The following FAM78B variants were observed in gnomAD, a reference collection of about 807,000 sequenced individuals.
FAM78B encodes protein FAM78B.
FAM78B carries 10 observed loss-of-function variants against 20.0 expected under a neutral mutation model. The observed-to-expected ratio is 0.50, with a 90% confidence interval of 0.31 to 0.85. FAM78B has a LOEUF of 0.85. FAM78B is among the 40% of genes least tolerant of loss of function. The pLI, the probability that FAM78B is intolerant of heterozygous loss-of-function variation, is 0.05. For synonymous variants in FAM78B, 135 were observed against 132.8 expected (o/e 1.02, Z -0.12); for missense variants, 283 against 345.0 (o/e 0.82, Z 1.42).
chr1:166,062,914 G>A (rs1423203665), intron 2 of FAM78B, among the ~76,000 whole-genome samples: 1 of 152,236 alleles, frequency 6.6e-6, no homozygotes, highest in African/African-American at 2.4e-5. Flanking sequence ...GAGATAACCA[G>A]CTGTTTCTTT....
chr1:166,139,133 A>G lies in FAM78B; in HGVS notation c.263+26853T>C, dbSNP rs560637873. The stretch of plus-strand genomic sequence containing the variant: ...GCTAGCCCACACTCTCATTTTACAG[A>G]CAGGAAAATGGAGGTCCATAAAGGT... On this transcript the variant is annotated intron_variant, in intron 1 of 1. Transcript: ENST00000354422. Among the ~76,000 whole-genome samples, 29 of 152,326 alleles carry G rather than the reference A, an allele frequency of 1.9e-4. 1 individual carries two copies. Among genetic ancestry groups the G allele is most frequent in the Admixed American group, 5.2e-4 (8 of 15,308 alleles).
intron 1 of FAM78B, among the ~76,000 whole-genome samples, chr1:166,076,578 A>AACTT (rs1652286231): frequency 6.6e-6 from 1 of 152,084 alleles, no homozygotes; most frequent in Non-Finnish European, 1.5e-5. Context: ...AATACACTAT[A>AACTT]ACTTACTTAT....
At chr1:166,100,201 C>A (rs948829292) in intron 1 of FAM78B, among the ~76,000 whole-genome samples, 2 of 152,278 alleles carry the variant, frequency 1.3e-5, no homozygotes, top group Middle Eastern at 3.4e-3. Context: ...TCTAAAAATT[C>A]TTTGAGGAGG....
At chr1:166,118,831 A>AT (rs918560236) in intron 1 of FAM78B, among the ~76,000 whole-genome samples, 2 of 152,158 alleles carry the variant, frequency 1.3e-5, no homozygotes, top group Admixed American at 1.3e-4. Flanking sequence ...ACCATGACAC[A>AT]TGACACCCAG....
At chr1:166,124,152 C>T (rs974788681) in intron 1 of FAM78B, among the ~76,000 whole-genome samples, 1 of 152,230 alleles carries the variant, frequency 6.6e-6, no homozygotes, top group Non-Finnish European at 1.5e-5. Context: ...CTGCTTTATG[C>T]TTCTATGTCT....
At chr1:166,066,396 A>G (rs965744194), downstream of FAM78B, among the ~76,000 whole-genome samples, 1 of 152,194 alleles carries the variant, frequency 6.6e-6, no homozygotes, top group African/African-American at 2.4e-5. Flanking sequence ...GAGAGACTAC[A>G]TGACAGTGTA....
At chr1:166,113,690 T>A (rs1476173644) in intron 1 of FAM78B, among the ~76,000 whole-genome samples, 1 of 152,248 alleles carries the variant, frequency 6.6e-6, no homozygotes, top group Admixed American at 6.5e-5. Context: ...GTGTCCCAGC[T>A]GGCTTTCCCT....
intron 1 of FAM78B, among the ~76,000 whole-genome samples, chr1:166,156,952 G>C (rs1655920153): frequency 6.7e-6 from 1 of 149,800 alleles, no homozygotes. Flanking sequence ...AGCAGCCAGG[G>C]TCCTGGAGGC....
chr1:166,143,079 CTA>C (rs1336829607), intron 1 of FAM78B, among the ~76,000 whole-genome samples: 1 of 152,184 alleles, frequency 6.6e-6, no homozygotes, highest in Non-Finnish European at 1.5e-5. Context: ...GGTAATTTCT[CTA>C]TGTCTCAATT....
intron 1 of FAM78B, among the ~76,000 whole-genome samples, chr1:166,150,222 G>C (rs112032461): frequency 0.016 from 2,415 of 152,156 alleles, 68 homozygotes; most frequent in African/African-American, 0.055. Context: ...GGACTCTCTT[G>C]TCCTTGGCCT....
intron 1 of FAM78B, 109 bp from the exon 2 acceptor site, chr1:166,070,872 A>T: frequency 8.1e-7 from 1 of 1,236,946 alleles, no homozygotes; most frequent in Non-Finnish European, 1.1e-6. Context: ...CAAAATGGGA[A>T]GTTCACAGGG....
At chr1:166,087,981 G>C (rs1652901225) in intron 1 of FAM78B, among the ~76,000 whole-genome samples, 1 of 152,152 alleles carries the variant, frequency 6.6e-6, no homozygotes, top group South Asian at 2.1e-4. Flanking sequence ...GGGTACTTGT[G>C]TCTGCTGCTT....
At chr1:166,165,873 G>A in intron 1 of FAM78B, 113 bp downstream of exon 1, 4 of 1,305,916 alleles carry the variant, frequency 3.1e-6, no homozygotes, top group Admixed American at 1.9e-5. Context: ...CGGGAGGAAG[G>A]TTTAGAAAGA....
In FAM78B at chr1:166,117,734, T is replaced by C. The variant is rs538078726; in HGVS notation, c.264-46971A>G. On this transcript the variant is annotated intron_variant, in intron 1 of 1. Transcript: ENST00000354422. ...TGCACTTAAAATATCTAAAGGGTTA[T>C]GGTATATTCTAAACCTTTTTCCTAA... Among the ~76,000 whole-genome samples, 69 of 152,332 alleles carry C rather than the reference T, an allele frequency of 4.5e-4. No homozygotes were observed. The South Asian group carries it at 0.013, about 29-fold the overall frequency.
chr1:166,152,451 A>G (rs1022913712), intron 1 of FAM78B, among the ~76,000 whole-genome samples: 1 of 152,112 alleles, frequency 6.6e-6, no homozygotes, highest in African/African-American at 2.4e-5. Context: ...TCCGTATTTT[A>G]GGATCTACTC....
At chr1:166,072,981 T>C (rs558198775) in intron 1 of FAM78B, among the ~76,000 whole-genome samples, 1 of 152,342 alleles carries the variant, frequency 6.6e-6, no homozygotes, top group African/African-American at 2.4e-5. Flanking sequence ...GCCCAGGGTC[T>C]GCAAGTCAGC....
chr1:166,062,640 C>T (rs1050931353), intron 2 of FAM78B, among the ~76,000 whole-genome samples: 2 of 152,208 alleles, frequency 1.3e-5, no homozygotes, highest in South Asian at 2.1e-4. Context: ...TCAGTCCCTG[C>T]TCATCTGATA....
intron 1 of FAM78B, among the ~76,000 whole-genome samples, chr1:166,074,905 G>A (rs1340430006): frequency 6.6e-6 from 1 of 152,182 alleles, no homozygotes; most frequent in Non-Finnish European, 1.5e-5. Flanking sequence ...GCTACAGCAG[G>A]GGAAAAGCTT....
At chr1:166,056,688 C>T (rs960779273), downstream of FAM78B, among the ~76,000 whole-genome samples, 1 of 152,116 alleles carries the variant, frequency 6.6e-6, no homozygotes, top group African/African-American at 2.4e-5. Context: ...TTAGCAAAAG[C>T]AAAGCAGAAT....
Sources: allele counts gnomAD v4.1 joint callset (sites outside exome capture counted in the v4.1 genomes callset), GRCh38; gene constraint gnomAD v4.1.1; transcripts MANE v1.5; gene names NCBI Gene and HGNC (gene_info 2026-07-23, HGNC 2026-07-21).